NAXD: variants seen among roughly 807,000 people sequenced by gnomAD.
NAXD encodes the protein ATP-dependent (S)-NAD(P)H-hydrate dehydratase.
Under a neutral mutation model 35.8 loss-of-function variants are expected in NAXD, and 22 were observed. The observed-to-expected ratio is 0.62, with a 90% CI of 0.44 to 0.88. The LOEUF (loss-of-function observed/expected upper bound fraction) is 0.88. Ranked by LOEUF, NAXD falls within the 40% of genes least tolerant of loss-of-function variation. The pLI is 0.00. For missense variants in NAXD, 428 were observed against 437.7 expected (o/e 0.98, Z 0.20); for synonymous variants, 189 against 177.6 (o/e 1.06, Z -0.51).
chr13:110,638,388 C>T lies in NAXD; in HGVS notation c.850C>T (p.Leu284Phe). The change falls in exon 10 of 10, where the codon CTC becomes TTC. Residue 284 changes from leucine (L) to phenylalanine (F), a missense_variant. This residue lies in a region of NAXD where 209 missense variants were observed against 214.6 expected (regional missense o/e 0.97). Transcript: ENST00000680254. The surrounding 1 kb of genome is among the most constrained non-coding windows in gnomAD (Gnocchi z 5.4). ...GPQKTNGSSP[L>F]LVAAFGACSL... is the part of the protein sequence containing the mutation. ...TCCCCCTCTCCGCAGGTCCAGCCCT[C>T]TCCTGGTGGCCGCGTTTGGCGCCTG... The T allele has an allele frequency of 6.2e-7, 1 of 1,613,832 alleles. No individual in the cohort carries two copies. Among genetic ancestry groups the T allele is most frequent in the Non-Finnish European group, 8.5e-7 (1 of 1,180,022 alleles).
In NAXD at chr13:110,637,349, CA is replaced by C. The variant is rs1404768249; in HGVS notation, c.839+102del. Reference sequence around the variant, plus strand: ...GAATAAGTAGCCCTGGAAACACTGACAATGAACTCTAGGCTTCACTGGAGAG... The same window carrying C: ...GAATAAGTAGCCCTGGAAACACTGACATGAACTCTAGGCTTCACTGGAGAG... On this transcript the variant is annotated intron_variant, in intron 9 of 9. Coordinates refer to ENST00000680254, the MANE Select transcript of NAXD (RefSeq NM_001242882.2). The C allele has an allele frequency of 5.0e-6, 7 of 1,390,710 alleles. No homozygotes were observed. The African/African-American group carries it at 1.0e-4, about 20-fold the overall frequency. 86.1% of individuals were successfully genotyped at this position (1,390,710 alleles called of 1,614,324 possible). A position where few individuals can be genotyped will look rare whatever the true frequency, so the allele number is the denominator to read the frequency against.
At chr13:110,625,663 C>T (rs544177220) in intron 4 of NAXD, among the ~76,000 whole-genome samples, 65 of 152,362 alleles carry the variant, frequency 4.3e-4, no homozygotes, top group African/African-American at 1.2e-3. Flanking sequence ...CATGGGTCAG[C>T]GTGGAACTGG....
chr13:110,626,496 G>T (rs545446352), intron 4 of NAXD, among the ~76,000 whole-genome samples: 73 of 149,216 alleles, frequency 4.9e-4, no homozygotes, highest in African/African-American at 1.5e-3. Context: ...ACGGGCTTGG[G>T]AGTCATGCAC....
chr13:110,632,727 G>T (rs1427842704), intron 5 of NAXD, among the ~76,000 whole-genome samples: 1 of 151,450 alleles, frequency 6.6e-6, no homozygotes, highest in Non-Finnish European at 1.5e-5. Context: ...ACAGAGTGCC[G>T]ATTGGTGTAT....
chr13:110,624,273 CA>C lies in NAXD; in HGVS notation c.240del (p.Val81TrpfsTer17), dbSNP rs1325624284. 5 of 1,601,704 alleles carry C rather than the reference CA, an allele frequency of 3.1e-6. No homozygotes were observed. Among genetic ancestry groups the C allele is most frequent in the Non-Finnish European group, 4.3e-6 (5 of 1,169,668 alleles). ...CATATTTTGCAGCAATCTCAGCTCT[CA>C]AAGTGGTATGTTTACTTAAAATTTC... ...APYFAAISAL[K>X]VGADLSHVFC... On this transcript the variant is annotated frameshift_variant, in exon 3 of 10. Transcript: ENST00000680254. LOFTEE classifies it high-confidence loss of function.
In NAXD at chr13:110,625,592, A is replaced by G. The variant is rs1040832016; in HGVS notation, c.332+314A>G. ...AGGTGGAAACGAAGGGCCTCTGAGC[A>G]ATAACAAGACCCTTCCTGCACTCGG... On this transcript the variant is annotated intron_variant, in intron 4 of 9. Transcript: ENST00000680254. Among the ~76,000 whole-genome samples, 4 of 152,326 alleles carry G rather than the reference A, an allele frequency of 2.6e-5. No homozygotes were observed. In the East Asian group the frequency reaches 7.7e-4, roughly 29 times the overall value.
chr13:110,627,483 G>C lies in NAXD; in HGVS notation c.377G>C (p.Arg126Pro). 6.2e-7 allele frequency: 1 copy of C among 1,614,084 alleles called. No homozygotes were observed. Among genetic ancestry groups the C allele is most frequent in the Middle Eastern group, 1.7e-4 (1 of 6,050 alleles). The change falls in exon 5 of 10, where the codon CGG becomes CCG. Residue 126 changes from arginine (R) to proline (P), a missense_variant. Coordinates refer to ENST00000680254, the MANE Select transcript of NAXD (RefSeq NM_001242882.2). ...AVHEVEKWLP[R>P]LHALVVGPGL... ...CATGAGGTGGAGAAGTGGCTGCCCC[G>C]GCTGCATGCTCTTGTCGTAGGACCT...
At chr13:110,637,323 T>A in intron 9 of NAXD, 74 bp downstream of exon 9, 1 of 1,540,980 alleles carries the variant, frequency 6.5e-7, no homozygotes, top group Non-Finnish European at 9.0e-7. Flanking sequence ...GCTCATGCGT[T>A]GAATAAGTAG....
intron 4 of NAXD, among the ~76,000 whole-genome samples, chr13:110,625,479 G>A (rs1886434793): frequency 6.6e-6 from 1 of 152,248 alleles, no homozygotes; most frequent in African/African-American, 2.4e-5. Context: ...GGAGAGGTGG[G>A]TGGGGGAGCT....
chr13:110,622,812 T>G (rs1048755508), intron 2 of NAXD, among the ~76,000 whole-genome samples: 4 of 152,200 alleles, frequency 2.6e-5, no homozygotes, highest in African/African-American at 9.6e-5. Flanking sequence ...ACGTAGCTGT[T>G]TGTAAGTTGT....
In NAXD at chr13:110,622,364, GGAGT is replaced by G. The variant is rs774999985; in HGVS notation, c.196_197+2del. ...GAATAGGCGTAGTTGGAGGCTGTCA[GGAGT>G]AAGTAGCTGATGTGCAGTGTTGGTG... On this transcript the variant is annotated splice_donor_variant and coding_sequence_variant, in exon 2 of 10. Coordinates refer to ENST00000680254, the MANE Select transcript of NAXD (RefSeq NM_001242882.2). LOFTEE classifies it high-confidence loss of function. 8 of 1,614,020 alleles carry G rather than the reference GGAGT, an allele frequency of 5.0e-6. No homozygotes were observed. Among genetic ancestry groups the G allele is most frequent in the Non-Finnish European group, 6.8e-6 (8 of 1,179,922 alleles).
In NAXD at chr13:110,625,192, C is replaced by T. The variant is rs139173838; in HGVS notation, c.246C>T (p.Gly82=). The change falls in exon 4 of 10, where the codon GGC becomes GGT. Residue 82 remains glycine (G), a splice_region_variant and synonymous_variant. Transcript: ENST00000680254. Reference sequence around the variant, plus strand: ...GGCCTCTTGTGCTCCTTCATCAGGGCGCAGACTTGTCCCACGTGTTCTGTG... The same window carrying T: ...GGCCTCTTGTGCTCCTTCATCAGGGTGCAGACTTGTCCCACGTGTTCTGTG... ...YFAAISALKV[G]ADLSHVFCAS... is the part of the protein sequence containing the mutation. The T allele has an allele frequency of 1.2e-5, 19 of 1,613,028 alleles. No homozygotes were observed. The highest frequency in any genetic ancestry group is 8.0e-5 in the African/African-American group (6 of 74,896).
intron 8 of NAXD, 83 bp downstream of exon 8, chr13:110,635,671 C>T (rs938413069): frequency 1.3e-6 from 2 of 1,498,410 alleles, no homozygotes; most frequent in Non-Finnish European, 9.2e-7. Context: ...TGGAAGACCT[C>T]TCCCGTGCAC....
In NAXD at chr13:110,615,572, G is replaced by A. The variant is rs1008348068; in HGVS notation, c.-30G>A. 4 of 1,339,520 alleles carry A rather than the reference G, an allele frequency of 3.0e-6. No individual in the cohort carries two copies. The African/African-American group carries it at 6.1e-5, about 20-fold the overall frequency. The allele number at this position is 1,339,520 out of a possible 1,614,324, so 83.0% of individuals were successfully genotyped here. On this transcript the variant is annotated 5_prime_UTR_variant, in exon 1 of 10. Coordinates refer to ENST00000680254, the MANE Select transcript of NAXD (RefSeq NM_001242882.2). Reference sequence around the variant, plus strand: ...TGGCTGTGTTTCCGGCGACGGCGCGGGGGCAGCTGGGAATCCGGAATGCTG... The same window carrying A: ...TGGCTGTGTTTCCGGCGACGGCGCGAGGGCAGCTGGGAATCCGGAATGCTG...
chr13:110,628,691 G>A lies in NAXD; in HGVS notation c.441+1144G>A, dbSNP rs951650416. Among the ~76,000 whole-genome samples, 12 of 152,068 alleles carry A rather than the reference G, an allele frequency of 7.9e-5. No homozygotes were observed. The highest frequency in any genetic ancestry group is 1.0e-4 in the Non-Finnish European group (7 of 68,012). ...AGCTTTAAGGTCTTACCCGCTCACC[G>A]GGAAGGAGGAGGTGGCCATGTTTAG... On this transcript the variant is annotated intron_variant, in intron 5 of 9. Transcript: ENST00000680254. This position sits in a 1 kb window ranked among gnomAD's most constrained non-coding sequence, Gnocchi z 4.1.
chr13:110,638,142 C>A lies in NAXD; in HGVS notation c.840-236C>A. 8.2e-7 allele frequency: 1 copy of A among 1,216,784 alleles called. No homozygotes were observed. Among genetic ancestry groups the A allele is most frequent in the Non-Finnish European group, 1.2e-6 (1 of 861,876 alleles). 75.4% of individuals were successfully genotyped at this position (1,216,784 alleles called of 1,614,324 possible). A position where few individuals can be genotyped will look rare whatever the true frequency, so the allele number is the denominator to read the frequency against. ...GCCCACTGTGTGCCCTAGCCCTGGA[C>A]CTGTCTCCGAGTACATAGACGTTTC... On this transcript the variant is annotated intron_variant, in intron 9 of 9. Transcript: ENST00000680254. The surrounding 1 kb of genome is among the most constrained non-coding windows in gnomAD (Gnocchi z 5.4).
chr13:110,623,487 C>T (rs1286386473), intron 2 of NAXD, among the ~76,000 whole-genome samples: 1 of 152,164 alleles, frequency 6.6e-6, no homozygotes, highest in Non-Finnish European at 1.5e-5. Context: ...CCAGGTGGCC[C>T]CCATCTGGCC....
chr13:110,615,951 C>G, intron 1 of NAXD: 1 of 462,820 alleles, frequency 2.2e-6, no homozygotes. Flanking sequence ...AGCCTCCGTG[C>G]GGGGTGACAG....
In NAXD at chr13:110,622,528, A is replaced by G. The variant is rs80161644; in HGVS notation, c.197+162A>G. 3.7e-3 allele frequency among the ~76,000 whole-genome samples: 561 copies of G among 152,316 alleles called. 3 individuals are homozygous for G. The highest frequency in any genetic ancestry group is 0.012 in the African/African-American group (519 of 41,570). On this transcript the variant is annotated intron_variant, in intron 2 of 9. Coordinates refer to ENST00000680254, the MANE Select transcript of NAXD (RefSeq NM_001242882.2). ...TCAGTGATCCACTTTTTGATTAACTAGGAAATAACTCTGAGGAGCCCTGAC... is the reference window on the plus strand; with the variant it reads ...TCAGTGATCCACTTTTTGATTAACTGGGAAATAACTCTGAGGAGCCCTGAC...
Sources: allele counts gnomAD v4.1 joint callset (sites outside exome capture counted in the v4.1 genomes callset), GRCh38; gene constraint gnomAD v4.1.1; regional missense constraint gnomAD v4.1.1; non-coding constraint Gnocchi (gnomAD v3.1); transcripts MANE v1.5; gene names NCBI Gene and HGNC (gene_info 2026-07-23, HGNC 2026-07-21).